CDCA4: variants seen among roughly 807,000 people sequenced by gnomAD.
CDCA4 encodes the protein cell division cycle-associated protein 4.
For missense variants in CDCA4, 294 were observed against 322.1 expected, an observed-to-expected ratio of 0.91 and a Z score of 0.67; for synonymous variants, 130 against 137.0, an observed-to-expected ratio of 0.95 and a Z score of 0.36.
chr14:105,013,741 T>C (rs967821981), intron 1 of CDCA4, among the ~76,000 whole-genome samples: 1 of 152,190 alleles, frequency 6.6e-6, no homozygotes, highest in Non-Finnish European at 1.5e-5. Flanking sequence ...GTCCCCCTGT[T>C]CTCTGAATTT....
rs1352496218 is a variant in CDCA4 at position 105,011,687 on chromosome 14, T to C, written c.243A>G (p.Thr81=). 2.5e-6 allele frequency: 4 copies of C among 1,613,600 alleles called. No homozygotes were observed. Among genetic ancestry groups the C allele is most frequent in the Admixed American group, 1.7e-5 (1 of 59,992 alleles). ...EEMTQDGTWR[T]VAPQAAERAP... is the part of the protein sequence containing the mutation. ...CCCGCTCTGCAGCCTGGGGTGCCAC[T>C]GTGCGCCACGTCCCATCCTGCGTCA... The change falls in exon 2 of 2, where the codon ACA becomes ACG. Residue 81 remains threonine (T), a synonymous_variant. Coordinates refer to ENST00000336219, the MANE Select transcript of CDCA4 (RefSeq NM_017955.4).
chr14:105,012,079 T>A, intron 1 of CDCA4, 144 bp from the exon 2 acceptor site: 1 of 963,460 alleles, frequency 1.0e-6, no homozygotes, highest in Non-Finnish European at 1.5e-6. Context: ...TGTAACTCCC[T>A]AACAGAGCTG....
At position 105,011,644 on chromosome 14, in the gene CDCA4, C is replaced by A; in HGVS notation, c.286G>T (p.Val96Phe). 6.2e-7 allele frequency: 1 copy of A among 1,613,906 alleles called. No homozygotes were observed. The highest frequency in any genetic ancestry group is 8.5e-7 in the Non-Finnish European group (1 of 1,180,022). ...GCACGGCACAGGATCTCCGTGGAGA[C>A]CAAGCGGTCGAGCGGCGCCCGCTCT... is the stretch of plus-strand genomic sequence containing the variant. ...AAERAPLDRL[V>F]STEILCRAAW... The change falls in exon 2 of 2, where the codon GTC becomes TTC. Residue 96 changes from valine (V) to phenylalanine (F), a missense_variant. Transcript: ENST00000336219.
chr14:105,018,101 C>A (rs1886134681), intron 1 of CDCA4, among the ~76,000 whole-genome samples: 1 of 151,676 alleles, frequency 6.6e-6, no homozygotes, highest in Non-Finnish European at 1.5e-5. Context: ...GTGGGAAATG[C>A]TACAAGGGGC....
In CDCA4 at chr14:105,013,692, C is replaced by T. The variant is rs1009489418; in HGVS notation, c.-6-1757G>A. On this transcript the variant is annotated intron_variant, in intron 1 of 1. Transcript: ENST00000336219. Reference sequence around the variant, plus strand: ...TTCCCAGGAGCCCCTCTGGAGGCTCCCACCTGCTGGTCCTACCCTTGAATT... The same window carrying T: ...TTCCCAGGAGCCCCTCTGGAGGCTCTCACCTGCTGGTCCTACCCTTGAATT... Among the ~76,000 whole-genome samples, 6 of 152,178 alleles carry T rather than the reference C, an allele frequency of 3.9e-5. No homozygotes were observed. In the South Asian group the frequency reaches 1.2e-3, roughly 32 times the overall value.
chr14:105,009,786 A>G lies in CDCA4; in HGVS notation c.*1418T>C, dbSNP rs1026902037. 8 of 150,688 alleles carry G rather than the reference A, an allele frequency of 5.3e-5. No homozygotes were observed. Among genetic ancestry groups the G allele is most frequent in the Admixed American group, 1.3e-4 (2 of 15,076 alleles). 9.3% of individuals were successfully genotyped at this position (150,688 alleles called of 1,614,324 possible). A position where few individuals can be genotyped will look rare whatever the true frequency, so the allele number is the denominator to read the frequency against. On this transcript the variant is annotated 3_prime_UTR_variant, in exon 2 of 2. Transcript: ENST00000336219. ...TGCTCTGCAACCCTGTGGGGGGGGGAAATAAAAGTAACCCAGCGTCCATTT... is the reference window on the plus strand; with the variant it reads ...TGCTCTGCAACCCTGTGGGGGGGGGGAATAAAAGTAACCCAGCGTCCATTT...
Position 105,011,418 on chromosome 14 carries a change from G to A in CDCA4, c.512C>T (p.Thr171Ile), listed in dbSNP as rs763380883. The A allele has an allele frequency of 2.2e-5, 36 of 1,614,114 alleles. No individual in the cohort carries two copies. The African/African-American group carries it at 3.7e-4, about 17-fold the overall frequency. The change falls in exon 2 of 2, where the codon ACT becomes ATT. Residue 171 changes from threonine to isoleucine, a missense_variant. Physicochemically the swap from Thr to Ile is moderately conservative, Grantham distance 89. Coordinates refer to ENST00000336219, the MANE Select transcript of CDCA4 (RefSeq NM_017955.4). ...CTCTTCCATGCAGCTGGGGTTTTTAGTCTCCAGCGTTTCAAATATCTGATC... is the reference window on the plus strand; with the variant it reads ...CTCTTCCATGCAGCTGGGGTTTTTAATCTCCAGCGTTTCAAATATCTGATC... ...SLDQIFETLE[T>I]KNPSCMEELF...
chr14:105,020,172 C>T (rs538708506), intron 1 of CDCA4, among the ~76,000 whole-genome samples: 2 of 152,322 alleles, frequency 1.3e-5, no homozygotes, highest in African/African-American at 2.4e-5. Flanking sequence ...TTCTGGATTT[C>T]CACCCTAATT....
rs200106695 is a variant in CDCA4, at chr14:105,012,992, GC to G, written c.-6-1058del. 6.2e-3 allele frequency among the ~76,000 whole-genome samples: 951 copies of G among 152,374 alleles called. 6 individuals are homozygous for G. Among genetic ancestry groups the G allele is most frequent in the Middle Eastern group, 0.031 (9 of 294 alleles). Reference sequence around the variant, plus strand: ...AGTGTGTTGTGGCAGCCCAGAGCTGGCCAAGGCAGTGTTTCTCGGCGTATGC... The same window carrying G: ...AGTGTGTTGTGGCAGCCCAGAGCTGGCAAGGCAGTGTTTCTCGGCGTATGC... On this transcript the variant is annotated intron_variant, in intron 1 of 1. Transcript: ENST00000336219.
intron 1 of CDCA4, among the ~76,000 whole-genome samples, chr14:105,019,671 G>A (rs537380899): frequency 2.6e-5 from 4 of 152,194 alleles, no homozygotes; most frequent in Non-Finnish European, 5.9e-5. Context: ...TCTCCTGGAG[G>A]CTGTTCATGA....
rs1595455878 is a variant in CDCA4, at chr14:105,018,862, G to A, written c.-7+2137C>T. ...AGCGATTCTCCTACCTCAGCCTCCC[G>A]AGTAGCTAGGACTACAGGCACGCGC... On this transcript the variant is annotated intron_variant, in intron 1 of 1. Transcript: ENST00000336219. 4.0e-5 allele frequency among the ~76,000 whole-genome samples: 6 copies of A among 151,632 alleles called. No individual in the cohort carries two copies. The South Asian group carries it at 1.3e-3, about 32-fold the overall frequency.
intron 1 of CDCA4, among the ~76,000 whole-genome samples, chr14:105,014,894 T>C (rs1900602862): frequency 6.6e-6 from 1 of 152,198 alleles, no homozygotes; most frequent in Non-Finnish European, 1.5e-5. Context: ...TTGAACAGCA[T>C]GCATTAAGCC....
At chr14:105,020,135 T>C (rs1226984729) in intron 1 of CDCA4, among the ~76,000 whole-genome samples, 2 of 152,228 alleles carry the variant, frequency 1.3e-5, no homozygotes, top group African/African-American at 2.4e-5. Flanking sequence ...CTACTCTTCC[T>C]AGAAAAGGGG....
rs998776989 is a variant in CDCA4 at position 105,011,133 on chromosome 14, G to A, written c.*71C>T. ...CAAGGCTGGGCCGCTGGCGGCAGGC[G>A]CACCCTCCGTGGGAGCCAGTGCTCA... is the stretch of plus-strand genomic sequence containing the variant. On this transcript the variant is annotated 3_prime_UTR_variant, in exon 2 of 2. Coordinates refer to ENST00000336219, the MANE Select transcript of CDCA4 (RefSeq NM_017955.4). 7.3e-6 allele frequency: 11 copies of A among 1,499,726 alleles called. No individual in the cohort carries two copies. Among genetic ancestry groups the A allele is most frequent in the African/African-American group, 5.6e-5 (4 of 71,190 alleles). The allele number at this position is 1,499,726 out of a possible 1,614,324, so 92.9% of individuals were successfully genotyped here.
intron 1 of CDCA4, among the ~76,000 whole-genome samples, chr14:105,016,070 C>G (rs1900646298): frequency 6.6e-6 from 1 of 152,222 alleles, no homozygotes; most frequent in South Asian, 2.1e-4. Context: ...CCCTCACCTG[C>G]CTATGAGTTT....
intron 1 of CDCA4, among the ~76,000 whole-genome samples, chr14:105,012,195 C>T (rs193135763): frequency 2.0e-5 from 3 of 152,294 alleles, no homozygotes; most frequent in Admixed American, 1.3e-4. Context: ...AACTGTACCA[C>T]GACAGTGTTT....
chr14:105,014,702 G>A (rs1347037490), intron 1 of CDCA4, among the ~76,000 whole-genome samples: 1 of 152,096 alleles, frequency 6.6e-6, no homozygotes, highest in African/African-American at 2.4e-5. Context: ...TAAGTATATC[G>A]AGAATTAACA....
intron 1 of CDCA4, among the ~76,000 whole-genome samples, chr14:105,014,303 C>T (rs946291870): frequency 6.6e-5 from 10 of 152,168 alleles, no homozygotes; most frequent in East Asian, 1.9e-4. Context: ...GTGCATCCTA[C>T]AAGGATGCCG....
chr14:105,016,848 C>T (rs1031402687), intron 1 of CDCA4, among the ~76,000 whole-genome samples: 4 of 152,260 alleles, frequency 2.6e-5, no homozygotes, highest in Middle Eastern at 3.2e-3. Flanking sequence ...CAGTTCCCAA[C>T]AGAGTAGGAT....
Sources: gnomAD v4.1 joint callset for allele counts (sites outside exome capture counted in the v4.1 genomes callset) on GRCh38, gnomAD v4.1.1 for gene constraint, MANE v1.5 for transcripts, NCBI Gene and HGNC (gene_info 2026-07-23, HGNC 2026-07-21) for gene names.